GRM8: variants seen among roughly 807,000 people sequenced by gnomAD.
The protein encoded by GRM8 is metabotropic glutamate receptor 8.
In GRM8, 47 loss-of-function variants were observed where a neutral mutation model predicts 87.2. The observed-to-expected ratio is 0.54, with a 90% CI of 0.43 to 0.69. The LOEUF (loss-of-function observed/expected upper bound fraction) is 0.69, where lower values mean the gene tolerates loss of function less well. Ranked by LOEUF, GRM8 falls within the 30% of genes least tolerant of loss-of-function variation. The pLI is 0.00. For missense variants in GRM8, 1,019 were observed against 1,139.2 expected (o/e 0.89, Z 1.52); for synonymous variants, 396 against 404.5 (o/e 0.98, Z 0.25).
In GRM8 at chr7:127,241,582, T is replaced by TGCCA. The variant is rs1798304001; in HGVS notation, c.510+1109_510+1112dup. On this transcript the variant is annotated intron_variant, in intron 2 of 10. Transcript: ENST00000339582. The stretch of plus-strand genomic sequence containing the variant: ...CCAAGTAGCTGGGACTACAAGCGTG[T>TGCCA]GCCACTATGCCGGGCTAATTTTTTG... 2.6e-5 allele frequency among the ~76,000 whole-genome samples: 4 copies of TGCCA among 152,204 alleles called. No homozygotes were observed. The South Asian group carries it at 8.3e-4, about 32-fold the overall frequency.
intron 3 of GRM8, among the ~76,000 whole-genome samples, chr7:126,971,157 TA>T (rs71177581): frequency 0.1 from 9,986 of 99,570 alleles, 376 homozygotes; most frequent in African/African-American, 0.16. Flanking sequence ...TTTCAATTTG[TA>T]AAAAAAAAAA....
chr7:127,060,671 T>C (rs1241427842), intron 3 of GRM8, among the ~76,000 whole-genome samples: 1 of 152,236 alleles, frequency 6.6e-6, no homozygotes, highest in African/African-American at 2.4e-5. Context: ...ATTATAAGTA[T>C]GGCATGCCTT....
At chr7:126,618,558 A>C (rs1470283490) in intron 7 of GRM8, among the ~76,000 whole-genome samples, 2 of 152,250 alleles carry the variant, frequency 1.3e-5, no homozygotes, top group African/African-American at 4.8e-5. Flanking sequence ...GCTTCTACAC[A>C]GCGAAAGAAA....
At chr7:127,080,981 G>T (rs760925095) in intron 3 of GRM8, 2 of 152,060 alleles carry the variant, frequency 1.3e-5, no homozygotes, top group Non-Finnish European at 2.9e-5. Flanking sequence ...AAAAATAAAC[G>T]CATTCTATAA....
intron 3 of GRM8, among the ~76,000 whole-genome samples, chr7:127,053,740 A>G (rs547657135): frequency 1.5e-5 from 2 of 135,966 alleles, no homozygotes; most frequent in East Asian, 4.7e-4. Context: ...GTGAGCTAAG[A>G]CCACACCATT....
Position 126,446,282 on chromosome 7 carries a change from T to C in GRM8, c.2521A>G (p.Ile841Val), listed in dbSNP as rs750969134. 3.7e-6 allele frequency: 6 copies of C among 1,612,108 alleles called. No homozygotes were observed. The highest frequency in any genetic ancestry group is 3.3e-4 in the Middle Eastern group (2 of 6,042). Residue 841 changes from isoleucine (I) to valine (V), a missense_variant, in exon 10 of 11, where the codon ATA becomes GTA. Coordinates refer to ENST00000339582, the MANE Select transcript of GRM8 (RefSeq NM_000845.3). ...GMLYMPKVYI[I>V]IFHPEQNVQK... is the part of the protein sequence containing the mutation. ...ACATTCTGTTCTGGATGAAAAATTA[T>C]AATATAAACCTTGGGCATATAGAGC...
At position 126,862,099 on chromosome 7, in the gene GRM8, T is replaced by G. The variant is rs1798187072; in HGVS notation, c.1156+40443A>C. 3.9e-5 allele frequency among the ~76,000 whole-genome samples: 6 copies of G among 152,010 alleles called. 1 individual carries two copies. The highest frequency in any genetic ancestry group is 3.3e-4 in the Admixed American group (5 of 15,248). On this transcript the variant is annotated intron_variant, in intron 6 of 10. Transcript: ENST00000339582. ...TCTACAAAATTTAAACTATTTTTGATTCAATATCTATGTGTTTAAATTTGT... is the reference window on the plus strand; with the variant it reads ...TCTACAAAATTTAAACTATTTTTGAGTCAATATCTATGTGTTTAAATTTGT...
At chr7:126,567,173 A>G (rs1184622260) in intron 8 of GRM8, among the ~76,000 whole-genome samples, 3 of 152,190 alleles carry the variant, frequency 2.0e-5, no homozygotes, top group Admixed American at 2.0e-4. Context: ...ACTGGACAAC[A>G]TTGTAGCTAT....
At chr7:127,051,876 A>G (rs1206368222) in intron 3 of GRM8, among the ~76,000 whole-genome samples, 4 of 151,434 alleles carry the variant, frequency 2.6e-5, no homozygotes, top group Non-Finnish European at 5.9e-5. Flanking sequence ...AAAATCATAA[A>G]GGCATGCATA....
intron 9 of GRM8, among the ~76,000 whole-genome samples, chr7:126,492,230 T>C (rs938753113): frequency 1.3e-5 from 2 of 152,030 alleles, no homozygotes; most frequent in Middle Eastern, 3.4e-3. Flanking sequence ...TTTGTATCTT[T>C]TTTAGAGACG....
chr7:126,944,669 T>C (rs1244461415), intron 3 of GRM8, among the ~76,000 whole-genome samples: 1 of 152,000 alleles, frequency 6.6e-6, no homozygotes, highest in Non-Finnish European at 1.5e-5. Context: ...ACCCAAAAGA[T>C]AACATAAACT....
rs560073714 is a variant in GRM8, at chr7:126,822,568, CTTACT to C, written c.1157-52508_1157-52504del. 3.6e-3 allele frequency among the ~76,000 whole-genome samples: 541 copies of C among 151,312 alleles called. 6 individuals carry two copies. The highest frequency in any genetic ancestry group is 0.013 in the African/African-American group (520 of 41,138). ...TTTCTTTCCCTCCTTCATTCTCTCC[CTTACT>C]TTAGAGATGGGATCTCACTATGTTG... On this transcript the variant is annotated intron_variant, in intron 6 of 10. Coordinates refer to ENST00000339582, the MANE Select transcript of GRM8 (RefSeq NM_000845.3).
intron 3 of GRM8, among the ~76,000 whole-genome samples, chr7:127,023,027 G>C (rs1269367763): frequency 1.3e-5 from 2 of 152,098 alleles, no homozygotes; most frequent in African/African-American, 4.8e-5. Flanking sequence ...CCTTAGTCTT[G>C]TGTGGTCTAG....
intron 2 of GRM8, among the ~76,000 whole-genome samples, chr7:127,192,511 T>A (rs1446651008): frequency 1.3e-5 from 2 of 152,212 alleles, no homozygotes; most frequent in Non-Finnish European, 2.9e-5. Context: ...ATGACATATC[T>A]GCTCTCACCC....
At chr7:126,524,808 G>T (rs918696186) in intron 9 of GRM8, among the ~76,000 whole-genome samples, 1 of 151,794 alleles carries the variant, frequency 6.6e-6, no homozygotes, top group Non-Finnish European at 1.5e-5. Flanking sequence ...CATAATTTTA[G>T]TTTCTGGGAT....
At chr7:126,629,219 T>A (rs1042280754) in intron 7 of GRM8, among the ~76,000 whole-genome samples, 1 of 152,210 alleles carries the variant, frequency 6.6e-6, no homozygotes, top group African/African-American at 2.4e-5. Flanking sequence ...AAGCAGCTTT[T>A]CTGCACATTT....
intron 7 of GRM8, among the ~76,000 whole-genome samples, chr7:126,708,836 T>C (rs893934471): frequency 2.6e-5 from 4 of 151,954 alleles, no homozygotes; most frequent in South Asian, 2.1e-4. Flanking sequence ...TGGGGAGCAG[T>C]TGGGGAGATG....
intron 6 of GRM8, among the ~76,000 whole-genome samples, chr7:126,798,673 C>G (rs1822269367): frequency 6.6e-6 from 1 of 152,140 alleles, no homozygotes; most frequent in African/African-American, 2.4e-5. Context: ...GAAAATGGGA[C>G]AGTTTCCTTC....
At chr7:126,906,211 C>T (rs1802654022) in intron 3 of GRM8, among the ~76,000 whole-genome samples, 1 of 152,138 alleles carries the variant, frequency 6.6e-6, no homozygotes, top group African/African-American at 2.4e-5. Flanking sequence ...GGAAGAGGGC[C>T]CTCATCAGCT....
Sources: gnomAD v4.1 joint callset for allele counts (sites outside exome capture counted in the v4.1 genomes callset) on GRCh38, gnomAD v4.1.1 for gene constraint, MANE v1.5 for transcripts, NCBI Gene and HGNC (gene_info 2026-07-23, HGNC 2026-07-21) for gene names.